The following GPR19 variants were observed in gnomAD, a reference collection of about 807,000 sequenced individuals.
GPR19 encodes the protein G protein-coupled receptor 19, also known as probable G protein-coupled receptor 19.
GPR19 carries 14 observed loss-of-function variants against 28.5 expected under a neutral mutation model. The observed-to-expected ratio is 0.49, with a 90% CI of 0.32 to 0.77. The LOEUF is 0.77. Among genes scored for constraint, GPR19 ranks in the 30% least tolerant of loss-of-function variants. The probability of loss-of-function intolerance (pLI) is 0.03; values close to 1 mark genes in which losing one functional copy is unlikely to be tolerated. For synonymous variants in GPR19, 173 were observed against 184.1 expected (o/e 0.94, Z 0.49); for missense variants, 409 against 504.1 (o/e 0.81, Z 1.81).
intron 2 of GPR19, chr12:12,685,112 C>A (rs546359551): frequency 6.6e-6 from 1 of 152,118 alleles, no homozygotes; most frequent in Non-Finnish European, 1.5e-5. Flanking sequence ...TAAACCACAC[C>A]ATATGTTTAG....
the GPR19 span, among the ~76,000 whole-genome samples, chr12:12,706,536 C>T: frequency 3.3e-5 from 5 of 152,180 alleles, no homozygotes; most frequent in African/African-American, 1.2e-4. Flanking sequence ...CCCTTCTGCC[C>T]TGAATTCCAA....
the GPR19 span, among the ~76,000 whole-genome samples, chr12:12,714,423 T>C: frequency 2.0e-5 from 3 of 152,198 alleles, no homozygotes; most frequent in Non-Finnish European, 4.4e-5. Flanking sequence ...ATTCACCCCA[T>C]CTGAACACTT....
chr12:12,666,927 A>T (rs719839), intron 3 of GPR19, among the ~76,000 whole-genome samples: 55,882 of 151,928 alleles, frequency 0.37, 12,789 homozygotes, highest in East Asian at 0.49. Flanking sequence ...CAGATATCTC[A>T]TCTAAGGGAA....
chr12:12,677,979 CAGG>C (rs1945956848), intron 3 of GPR19, among the ~76,000 whole-genome samples: 1 of 146,206 alleles, frequency 6.8e-6, no homozygotes, highest in South Asian at 2.1e-4. Flanking sequence ...GAGGCAGAGG[CAGG>C]AGAATTACTT....
chr12:12,694,408 G>C (rs933436675), intron 2 of GPR19, among the ~76,000 whole-genome samples: 8 of 149,428 alleles, frequency 5.4e-5, no homozygotes, highest in African/African-American at 2.0e-4. Context: ...GGGTTTCACC[G>C]TATTTGCCAG....
chr12:12,702,361 T>C, the GPR19 span, among the ~76,000 whole-genome samples: 1 of 152,126 alleles, frequency 6.6e-6, no homozygotes, highest in East Asian at 1.9e-4. Flanking sequence ...AAATACAAGT[T>C]GGTATTTGAC....
At chr12:12,704,093 T>A in the GPR19 span, among the ~76,000 whole-genome samples, 106 of 152,348 alleles carry the variant, frequency 7.0e-4, no homozygotes, top group African/African-American at 2.5e-3. Flanking sequence ...TAGGTTGTTA[T>A]CTTGACTTTG....
intron 2 of GPR19, 122 bp from the exon 3 acceptor site, chr12:12,684,629 G>C (rs982076640): frequency 3.3e-5 from 5 of 152,150 alleles, no homozygotes; most frequent in Non-Finnish European, 7.3e-5. Context: ...TGTCACATGG[G>C]AAATGGATCA....
intron 2 of GPR19, among the ~76,000 whole-genome samples, chr12:12,691,174 A>G (rs1242316169): frequency 2.0e-5 from 3 of 152,134 alleles, no homozygotes; most frequent in East Asian, 1.9e-4. Flanking sequence ...AAAATAAAAT[A>G]AAATAAAAAA....
intron 3 of GPR19, among the ~76,000 whole-genome samples, chr12:12,674,475 A>T: frequency 6.6e-6 from 1 of 152,088 alleles, no homozygotes; most frequent in Middle Eastern, 3.2e-3. Context: ...ATGAATATTG[A>T]AAATATTATG....
At chr12:12,716,782 G>A in the GPR19 span, 1 of 985,250 alleles carries the variant, frequency 1.0e-6, no homozygotes, top group Non-Finnish European at 1.2e-6. Flanking sequence ...TCTGGGTTAA[G>A]GCTGAGCGAA....
intron 3 of GPR19, among the ~76,000 whole-genome samples, chr12:12,677,282 C>T (rs1945946024): frequency 6.6e-6 from 1 of 151,070 alleles, no homozygotes; most frequent in South Asian, 2.1e-4. Flanking sequence ...TCTTGGCTCA[C>T]TGCAACCTCT....
the GPR19 span, among the ~76,000 whole-genome samples, chr12:12,714,065 A>T: frequency 1.1e-4 from 16 of 152,252 alleles, no homozygotes. Context: ...CCCAGAGCCT[A>T]AGGATAATGT....
rs189846776 is a variant in GPR19, at chr12:12,683,457, C to T, written c.-23+894G>A. The stretch of plus-strand genomic sequence containing the variant: ...GAGCACAGGCTTTGGGGTCAAGTTT[C>T]GTAGGTCCAAATTCTGCTTCTACTG... On this transcript the variant is annotated intron_variant, in intron 3 of 3. Coordinates refer to ENST00000651487, the MANE Select transcript of GPR19 (RefSeq NM_006143.3). Among the ~76,000 whole-genome samples, 51 of 152,298 alleles carry T rather than the reference C, an allele frequency of 3.3e-4. No homozygotes were observed. The East Asian group carries it at 6.7e-3, about 20-fold the overall frequency.
At chr12:12,710,540 CT>C in the GPR19 span, among the ~76,000 whole-genome samples, 1 of 152,060 alleles carries the variant, frequency 6.6e-6, no homozygotes. Flanking sequence ...AGTATTGTCT[CT>C]TTTGCCCTCT....
the GPR19 span, among the ~76,000 whole-genome samples, chr12:12,704,009 T>C: frequency 3.9e-5 from 6 of 152,140 alleles, no homozygotes; most frequent in Non-Finnish European, 8.8e-5. Flanking sequence ...ATAGAGACAG[T>C]GTATGTGTTG....
chr12:12,682,817 G>A (rs1272055471), intron 3 of GPR19, among the ~76,000 whole-genome samples: 2 of 151,980 alleles, frequency 1.3e-5, no homozygotes, highest in East Asian at 3.9e-4. Context: ...ATCAAAAAAA[G>A]GAAATCTTTA....
chr12:12,691,733 A>G (rs1006697647), intron 2 of GPR19, among the ~76,000 whole-genome samples: 1 of 152,190 alleles, frequency 6.6e-6, no homozygotes, highest in Non-Finnish European at 1.5e-5. Flanking sequence ...GTACCAGCAC[A>G]CTGAATAAGC....
intron 2 of GPR19, among the ~76,000 whole-genome samples, chr12:12,694,851 TCCTATTCCATTG>T (rs970244220): frequency 2.6e-5 from 4 of 152,170 alleles, no homozygotes; most frequent in African/African-American, 9.7e-5. Context: ...AACCCTGAAA[TCCTATTCCATTG>T]CCTCCATGGA....
Sources: gnomAD v4.1 joint callset for allele counts (sites outside exome capture counted in the v4.1 genomes callset) on GRCh38, gnomAD v4.1.1 for gene constraint, MANE v1.5 for transcripts, NCBI Gene and HGNC (gene_info 2026-07-23, HGNC 2026-07-21) for gene names.